ASIC2: variants seen among roughly 807,000 people sequenced by gnomAD.
The protein encoded by ASIC2 is acid-sensing ion channel 2.
A neutral mutation model predicts 57.3 loss-of-function variants in ASIC2; 25 were observed. That is an observed-to-expected ratio of 0.44 (90% CI 0.32 to 0.61). ASIC2 has a LOEUF of 0.61. Among genes scored for constraint, ASIC2 ranks in the 20% least tolerant of loss-of-function variants. ASIC2 has a pLI of 0.06. For missense variants in ASIC2, 641 were observed against 738.1 expected (o/e 0.87, Z 1.52); for synonymous variants, 319 against 307.5 (o/e 1.04, Z -0.39).
intron 1 of ASIC2, among the ~76,000 whole-genome samples, chr17:33,698,008 G>C (rs1254066043): frequency 6.6e-6 from 1 of 152,152 alleles, no homozygotes; most frequent in Non-Finnish European, 1.5e-5. Flanking sequence ...CGGTTGAGTA[G>C]TGTTCAATGC....
At chr17:33,871,453 CT>C (rs1358554001) in intron 1 of ASIC2, among the ~76,000 whole-genome samples, 4 of 152,186 alleles carry the variant, frequency 2.6e-5, no homozygotes, top group Non-Finnish European at 5.9e-5. Flanking sequence ...CTCATCTTCA[CT>C]TTCTGACTTT....
chr17:34,140,273 T>C (rs964253737), intron 1 of ASIC2, among the ~76,000 whole-genome samples: 4 of 152,104 alleles, frequency 2.6e-5, no homozygotes, highest in African/African-American at 9.7e-5. Context: ...GGTTTCCTAC[T>C]GCTAGAGAAA....
intron 1 of ASIC2, among the ~76,000 whole-genome samples, chr17:33,370,992 C>A (rs182033678): frequency 2.2e-5 from 2 of 90,498 alleles, no homozygotes; most frequent in East Asian, 4.4e-4. Flanking sequence ...GAGGAACACG[C>A]CCACTCTAGG....
intron 1 of ASIC2, among the ~76,000 whole-genome samples, chr17:34,075,948 C>T (rs1361146528): frequency 2.0e-5 from 3 of 151,428 alleles, no homozygotes; most frequent in Non-Finnish European, 4.4e-5. Context: ...CTTGCCTCAG[C>T]CTCCCAAGTA....
chr17:33,214,533 T>A (rs1907402223), intron 1 of ASIC2, among the ~76,000 whole-genome samples: 1 of 152,238 alleles, frequency 6.6e-6, no homozygotes, highest in East Asian at 1.9e-4. Context: ...TGCTGGTTAT[T>A]GTGTCTGGGA....
chr17:33,893,282 G>A (rs536333659), intron 1 of ASIC2, among the ~76,000 whole-genome samples: 57 of 152,206 alleles, frequency 3.7e-4, no homozygotes, highest in Middle Eastern at 3.4e-3. Context: ...CTGCCACATG[G>A]TGCTTGCAGG....
intron 3 of ASIC2, among the ~76,000 whole-genome samples, chr17:33,087,216 A>C (rs1025257552): frequency 9.9e-5 from 15 of 152,232 alleles, no homozygotes; most frequent in Admixed American, 8.5e-4. Context: ...CTTGACTCTC[A>C]AATCCTTAGC....
At chr17:33,809,176 T>C (rs1171879460) in intron 1 of ASIC2, among the ~76,000 whole-genome samples, 2 of 152,174 alleles carry the variant, frequency 1.3e-5, no homozygotes, top group Non-Finnish European at 2.9e-5. Flanking sequence ...CACTGTCCTC[T>C]GTGCACTGGC....
intron 1 of ASIC2, among the ~76,000 whole-genome samples, chr17:33,622,537 G>T (rs979005536): frequency 4.6e-5 from 7 of 152,060 alleles, no homozygotes; most frequent in Non-Finnish European, 7.4e-5. Flanking sequence ...AAATAACTTG[G>T]GTTTTGCTGT....
At chr17:33,730,873 CCT>C (rs1909718520) in intron 1 of ASIC2, among the ~76,000 whole-genome samples, 2 of 152,160 alleles carry the variant, frequency 1.3e-5, no homozygotes, top group Non-Finnish European at 2.9e-5. Flanking sequence ...ATATATCCCC[CCT>C]GTTTCCTTTC....
At position 33,381,870 on chromosome 17, in the gene ASIC2, G is replaced by A. The variant is rs1909501781; in HGVS notation, c.556-269803C>T. On this transcript the variant is annotated intron_variant, in intron 1 of 9. Coordinates refer to the ASIC2 transcript ENST00000359872. ...GGATTCCTTTGCAGAAATATAAACTGTACTTTGTTCTGAGGGTTACTGTAA... is the reference window on the plus strand; with the variant it reads ...GGATTCCTTTGCAGAAATATAAACTATACTTTGTTCTGAGGGTTACTGTAA... Among the ~76,000 whole-genome samples, 2 of 152,272 alleles carry A rather than the reference G, an allele frequency of 1.3e-5. 1 individual carries two copies. The highest frequency in any genetic ancestry group is 4.1e-4 in the South Asian group (2 of 4,830).
chr17:33,634,710 CTT>C (rs71144892), intron 1 of ASIC2: 51 of 74,032 alleles, frequency 6.9e-4, no homozygotes, highest in East Asian at 1.2e-3. Context: ...TTCTTTCTTT[CTT>C]TTTTTTTTTT....
intron 1 of ASIC2, among the ~76,000 whole-genome samples, chr17:33,632,494 G>A (rs9900034): frequency 0.3 from 44,806 of 151,698 alleles, 6,730 homozygotes; most frequent in East Asian, 0.41. Context: ...TCAGAAGATC[G>A]TACTCCACCC....
In ASIC2 at chr17:33,111,781, A is replaced by G. The variant is rs937506080; in HGVS notation, c.859+136T>C. 1.5e-5 allele frequency: 19 copies of G among 1,281,180 alleles called. No individual in the cohort carries two copies. In the African/African-American group the frequency reaches 2.7e-4, roughly 19 times the overall value. 79.4% of individuals were successfully genotyped at this position (1,281,180 alleles called of 1,614,324 possible). On this transcript the variant is annotated intron_variant, in intron 2 of 9. Transcript: ENST00000225823. ...AGCCCAAGCCAGGGACATCTTTATG[A>G]TCTAGCAGCATGTCACAAACCCCTT...
At chr17:33,140,088 C>G (rs1315067486) in intron 1 of ASIC2, among the ~76,000 whole-genome samples, 1 of 152,238 alleles carries the variant, frequency 6.6e-6, no homozygotes, top group Non-Finnish European at 1.5e-5. Flanking sequence ...GATTCCTGGG[C>G]CTGGCCCAGA....
At chr17:33,151,812 T>A (rs1295772570) in intron 1 of ASIC2, among the ~76,000 whole-genome samples, 1 of 152,226 alleles carries the variant, frequency 6.6e-6, no homozygotes. Context: ...GCCGCGGAAC[T>A]GTAAGAAATA....
chr17:33,726,459 T>C (rs1454624334), intron 1 of ASIC2, among the ~76,000 whole-genome samples: 1 of 152,190 alleles, frequency 6.6e-6, no homozygotes, highest in African/African-American at 2.4e-5. Context: ...GCTTGAAATG[T>C]CTCTGCAGTC....
At chr17:33,151,364 A>C (rs972282280) in intron 1 of ASIC2, among the ~76,000 whole-genome samples, 1 of 151,870 alleles carries the variant, frequency 6.6e-6, no homozygotes, top group Non-Finnish European at 1.5e-5. Flanking sequence ...ACAGAGAGAT[A>C]CTTTGTCTCA....
chr17:33,478,205 C>T (rs982542290), intron 1 of ASIC2, among the ~76,000 whole-genome samples: 1 of 152,156 alleles, frequency 6.6e-6, no homozygotes, highest in African/African-American at 2.4e-5. Flanking sequence ...ACAGAGCTTC[C>T]AAGAGGGGGC....
Sources: gnomAD v4.1 joint callset for allele counts (sites outside exome capture counted in the v4.1 genomes callset) on GRCh38, gnomAD v4.1.1 for gene constraint, MANE v1.5 for transcripts, NCBI Gene and HGNC (gene_info 2026-07-23, HGNC 2026-07-21) for gene names.